VPS26C: variants seen among roughly 807,000 people sequenced by gnomAD.
The protein encoded by VPS26C is vacuolar protein sorting-associated protein 26C.
In VPS26C, 19 loss-of-function variants were observed where a neutral mutation model predicts 30.6. The ratio of observed to expected loss-of-function variants is 0.62; its 90% CI spans 0.43 to 0.91. The LOEUF is 0.91. Ranked by LOEUF, VPS26C falls within the 40% of genes least tolerant of loss-of-function variation. The pLI is 0.00. For synonymous variants in VPS26C, 132 were observed against 151.5 expected, an observed-to-expected ratio of 0.87 and a Z score of 0.95; for missense variants, 318 against 385.1, an observed-to-expected ratio of 0.83 and a Z score of 1.46.
At chr21:37,236,143 T>C (rs1480023277) in intron 3 of VPS26C, among the ~76,000 whole-genome samples, 1 of 152,170 alleles carries the variant, frequency 6.6e-6, no homozygotes, top group African/African-American at 2.4e-5. Context: ...AGAAAGATGA[T>C]ATTAGGGTTT....
At chr21:37,267,413 G>T (rs1205227594), upstream of VPS26C, 4 of 856,142 alleles carry the variant, frequency 4.7e-6, no homozygotes, top group African/African-American at 1.7e-5. Context: ...AGTGGCTCAC[G>T]TGACCTCGCA....
At position 37,233,603 on chromosome 21, in the gene VPS26C, T is replaced by G. The variant is rs966698709; in HGVS notation, c.352-161A>C. Among the ~76,000 whole-genome samples the G allele has an allele frequency of 4.6e-5, 7 of 152,234 alleles. No homozygotes were observed. Among genetic ancestry groups the G allele is most frequent in the Admixed American group, 4.6e-4 (7 of 15,288 alleles). ...ATACATAATATAATACATAATAGGA[T>G]AGTTAATGTTCAAAATAAAGGCATT... On this transcript the variant is annotated intron_variant, in intron 3 of 7. Coordinates refer to ENST00000309117, the MANE Select transcript of VPS26C (RefSeq NM_006052.2). This position sits in a 1 kb window ranked among gnomAD's most constrained non-coding sequence, Gnocchi z 5.2.
chr21:37,241,886 T>G (rs940589702), intron 1 of VPS26C, among the ~76,000 whole-genome samples: 12 of 152,358 alleles, frequency 7.9e-5, no homozygotes, highest in African/African-American at 2.2e-4. Context: ...TCTGTCCTAC[T>G]GGTGTTTAAA....
At chr21:37,267,452 AG>A, upstream of VPS26C, 1 of 499,936 alleles carries the variant, frequency 2.0e-6, no homozygotes, top group South Asian at 2.1e-5. Flanking sequence ...CCTAGCTCCG[AG>A]GGGCGAATGC....
At chr21:37,240,897 C>T (rs1293267044) in intron 1 of VPS26C, among the ~76,000 whole-genome samples, 1 of 152,162 alleles carries the variant, frequency 6.6e-6, no homozygotes, top group Admixed American at 6.5e-5. Flanking sequence ...GTCACTGCCT[C>T]TCAGACATGT....
chr21:37,238,700 A>G, intron 2 of VPS26C, 91 bp from the exon 3 acceptor site: 9 of 1,495,582 alleles, frequency 6.0e-6, no homozygotes, highest in Non-Finnish European at 8.1e-6. Flanking sequence ...CAGCACCCCG[A>G]CCCCCTGGAG....
chr21:37,233,709 C>T lies in VPS26C; in HGVS notation c.352-267G>A, dbSNP rs567653175. On this transcript the variant is annotated intron_variant, in intron 3 of 7. Coordinates refer to ENST00000309117, the MANE Select transcript of VPS26C (RefSeq NM_006052.2). The surrounding 1 kb of genome is among the most constrained non-coding windows in gnomAD (Gnocchi z 5.2). ...GCCTGCAGTTGGACCCACTGGCAAACAGGTGCACGGTCCCACCTGTAGCAG... is the reference window on the plus strand; with the variant it reads ...GCCTGCAGTTGGACCCACTGGCAAATAGGTGCACGGTCCCACCTGTAGCAG... 6.6e-6 allele frequency among the ~76,000 whole-genome samples: 1 copy of T among 152,338 alleles called. No homozygotes were observed. The highest frequency in any genetic ancestry group is 6.5e-5 in the Admixed American group (1 of 15,298).
chr21:37,246,029 CAA>C (rs1442928997), intron 1 of VPS26C, among the ~76,000 whole-genome samples: 1 of 151,876 alleles, frequency 6.6e-6, no homozygotes, highest in Non-Finnish European at 1.5e-5. Context: ...AAAAGAACCA[CAA>C]AGAGATAAAA....
At chr21:37,228,140 C>T in intron 6 of VPS26C, 83 bp downstream of exon 6, 1 of 1,542,988 alleles carries the variant, frequency 6.5e-7, no homozygotes, top group Non-Finnish European at 8.7e-7. Flanking sequence ...TGCCCAGCCC[C>T]CCAGCATCCT....
At position 37,233,161 on chromosome 21, in the gene VPS26C, G is replaced by A. The variant is rs924509202; in HGVS notation, c.432+201C>T. ...GGAGTCCCTCTGGCCCGCGGCCTCA[G>A]CTGGGGGACTCTGGGCCCAGGACAA... On this transcript the variant is annotated intron_variant, in intron 4 of 7. Transcript: ENST00000309117. This position sits in a 1 kb window ranked among gnomAD's most constrained non-coding sequence, Gnocchi z 5.2. The A allele has an allele frequency of 3.6e-6, 2 of 548,072 alleles. No homozygotes were observed. Among genetic ancestry groups the A allele is most frequent in the Non-Finnish European group, 3.3e-6 (1 of 304,404 alleles). 34.0% of individuals were successfully genotyped at this position (548,072 alleles called of 1,614,324 possible). A position where few individuals can be genotyped will look rare whatever the true frequency, so the allele number is the denominator to read the frequency against.
chr21:37,267,363 C>T (rs1284462064), upstream of VPS26C: 6 of 1,435,046 alleles, frequency 4.2e-6, no homozygotes, highest in Non-Finnish European at 5.9e-6. Flanking sequence ...GGCGCCTCCC[C>T]GCTTCGTTCT....
intron 1 of VPS26C, 105 bp from the exon 2 acceptor site, chr21:37,240,744 C>T: frequency 7.0e-7 from 1 of 1,429,092 alleles, no homozygotes. Context: ...GTTTAAAGAT[C>T]CAGACATTCA....
intron 5 of VPS26C, 177 bp from the exon 6 acceptor site, chr21:37,228,550 T>C (rs950548515): frequency 1.6e-6 from 1 of 621,948 alleles, no homozygotes; most frequent in Non-Finnish European, 2.8e-6. Flanking sequence ...ATTAGCCGGC[T>C]GAATTATTCA....
intron 1 of VPS26C, among the ~76,000 whole-genome samples, chr21:37,258,400 T>C (rs2148307672): frequency 6.6e-6 from 1 of 152,308 alleles, no homozygotes; most frequent in Middle Eastern, 3.4e-3. Flanking sequence ...GAACATGCGA[T>C]GTGACGTGTT....
intron 1 of VPS26C, among the ~76,000 whole-genome samples, chr21:37,260,058 C>T (rs528254820): frequency 3.4e-4 from 52 of 152,246 alleles, no homozygotes; most frequent in Middle Eastern, 6.8e-3. Context: ...AATTAAGACC[C>T]AGAGAAGGCA....
chr21:37,232,278 A>G (rs2085972881), intron 5 of VPS26C, 99 bp downstream of exon 5: 1 of 923,514 alleles, frequency 1.1e-6, no homozygotes, highest in African/African-American at 1.6e-5. Flanking sequence ...CCGGCTGATG[A>G]CGTGATTTCC....
rs575492585 is a variant in VPS26C, at chr21:37,255,307, C to A, written c.57+11931G>T. 7.2e-5 allele frequency among the ~76,000 whole-genome samples: 11 copies of A among 152,218 alleles called. No homozygotes were observed. The South Asian group carries it at 8.3e-4, about 11-fold the overall frequency. On this transcript the variant is annotated intron_variant, in intron 1 of 7. Coordinates refer to ENST00000309117, the MANE Select transcript of VPS26C (RefSeq NM_006052.2). Reference sequence around the variant, plus strand: ...TTTAGAGAAATTGTCTTAAATAATTCTTTCTGATAAAACAAAGGAAGAGCT... The same window carrying A: ...TTTAGAGAAATTGTCTTAAATAATTATTTCTGATAAAACAAAGGAAGAGCT...
At chr21:37,232,299 C>A (rs2835681) in intron 5 of VPS26C, 78 bp downstream of exon 5, 5 of 1,222,912 alleles carry the variant, frequency 4.1e-6, no homozygotes, top group South Asian at 1.3e-5. Flanking sequence ...AAATGAAGAC[C>A]ACCCGGGCAA....
At chr21:37,248,189 C>T (rs766548059) in intron 1 of VPS26C, among the ~76,000 whole-genome samples, 3 of 152,066 alleles carry the variant, frequency 2.0e-5, no homozygotes, top group East Asian at 1.9e-4. Flanking sequence ...AGAAGACCTA[C>T]GTCACATATC....
Sources: allele counts gnomAD v4.1 joint callset (sites outside exome capture counted in the v4.1 genomes callset), GRCh38; gene constraint gnomAD v4.1.1; non-coding constraint Gnocchi (gnomAD v3.1); transcripts MANE v1.5; gene names NCBI Gene and HGNC (gene_info 2026-07-23, HGNC 2026-07-21).